The following SPATS2L variants were observed in gnomAD, a reference collection of about 807,000 sequenced individuals.
SPATS2L encodes the protein SPATS2-like protein.
Under a neutral mutation model 59.6 loss-of-function variants are expected in SPATS2L, and 30 were observed. The ratio of observed to expected loss-of-function variants is 0.50; its 90% CI spans 0.38 to 0.68. The LOEUF (loss-of-function observed/expected upper bound fraction) is 0.68. Among genes scored for constraint, SPATS2L ranks in the 30% least tolerant of loss-of-function variants. SPATS2L has a pLI of 0.00. For missense variants in SPATS2L, 615 were observed against 700.0 expected (o/e 0.88, Z 1.37); for synonymous variants, 252 against 263.5 (o/e 0.96, Z 0.42).
At chr2:200,430,504 A>T (rs1391950510) in intron 6 of SPATS2L, among the ~76,000 whole-genome samples, 2 of 151,744 alleles carry the variant, frequency 1.3e-5, no homozygotes, top group Admixed American at 6.6e-5. Flanking sequence ...CAGAATTTTT[A>T]AAATGCACAG....
Position 200,478,131 on chromosome 2 carries a change from C to A in SPATS2L, c.*100C>A. ...AGAGTGTCAATCAGAATATACAAATCCCGTATGGTTGTGTCATCCTCTCTT... is the reference window on the plus strand; with the variant it reads ...AGAGTGTCAATCAGAATATACAAATACCGTATGGTTGTGTCATCCTCTCTT... On this transcript the variant is annotated 3_prime_UTR_variant, in exon 13 of 13. Coordinates refer to ENST00000409140, the MANE Select transcript of SPATS2L (RefSeq NM_001100423.2). 8.8e-7 allele frequency: 1 copy of A among 1,131,284 alleles called. No individual in the cohort carries two copies. The highest frequency in any genetic ancestry group is 1.2e-6 in the Non-Finnish European group (1 of 819,476). 70.1% of individuals were successfully genotyped at this position (1,131,284 alleles called of 1,614,324 possible).
rs1383133153 is a variant in SPATS2L at position 200,480,180 on chromosome 2, T to G, written c.*2149T>G. On this transcript the variant is annotated 3_prime_UTR_variant, in exon 13 of 13. Coordinates refer to ENST00000409140, the MANE Select transcript of SPATS2L (RefSeq NM_001100423.2). The stretch of plus-strand genomic sequence containing the variant: ...AGGAGTTCACCTGCCTTTGTCAGAG[T>G]TGAACCCAACCACTCTTGACCTCGA... 1 of 154,808 alleles carries G rather than the reference T, an allele frequency of 6.5e-6. No homozygotes were observed. Among genetic ancestry groups the G allele is most frequent in the Non-Finnish European group, 1.4e-5 (1 of 69,938 alleles). 9.6% of individuals were successfully genotyped at this position (154,808 alleles called of 1,614,324 possible).
chr2:200,361,550 C>CGT (rs548300155), intron 2 of SPATS2L, among the ~76,000 whole-genome samples: 650 of 152,324 alleles, frequency 4.3e-3, no homozygotes, highest in Middle Eastern at 0.01. Flanking sequence ...TTCTCCAAAT[C>CGT]GTTAAGGCTT....
At chr2:200,342,757 A>G (rs1225949156) in intron 2 of SPATS2L, among the ~76,000 whole-genome samples, 3 of 152,208 alleles carry the variant, frequency 2.0e-5, no homozygotes, top group Admixed American at 6.5e-5. Flanking sequence ...AATGAGTTAT[A>G]TTTTTCCTCT....
At chr2:200,437,134 T>C (rs1479517917) in intron 6 of SPATS2L, among the ~76,000 whole-genome samples, 2 of 152,156 alleles carry the variant, frequency 1.3e-5, no homozygotes, top group Non-Finnish European at 2.9e-5. Flanking sequence ...TACAGAACCA[T>C]GAACCAAATA....
intron 2 of SPATS2L, among the ~76,000 whole-genome samples, chr2:200,386,718 T>G (rs1210389389): frequency 6.6e-6 from 1 of 152,238 alleles, no homozygotes; most frequent in Non-Finnish European, 1.5e-5. Context: ...TCAGCTGATC[T>G]GGTCTAATGA....
intron 3 of SPATS2L, chr2:200,393,005 A>C (rs1295573604): frequency 1.8e-5 from 6 of 335,908 alleles, no homozygotes; most frequent in South Asian, 1.4e-4. Flanking sequence ...TTGAGTAAAA[A>C]ATAGCAGCAA....
chr2:200,360,621 C>T (rs1299746058), intron 2 of SPATS2L, among the ~76,000 whole-genome samples: 10 of 152,188 alleles, frequency 6.6e-5, no homozygotes, highest in Admixed American at 3.3e-4. Context: ...AGATAAGCCG[C>T]TCCTCCTTGG....
At chr2:200,432,615 C>T (rs1284165563) in intron 6 of SPATS2L, among the ~76,000 whole-genome samples, 1 of 152,048 alleles carries the variant, frequency 6.6e-6, no homozygotes, top group African/African-American at 2.4e-5. Context: ...AATTACTAGA[C>T]ATGGGAAGGA....
At chr2:200,306,523 T>G (rs1220221097), upstream of SPATS2L, 1 of 1,001,872 alleles carries the variant, frequency 1.0e-6, no homozygotes, top group Admixed American at 6.2e-5. Flanking sequence ...TGTGAGCGGA[T>G]ACAAAACCCG....
chr2:200,343,215 A>G (rs1270811138), intron 2 of SPATS2L, among the ~76,000 whole-genome samples: 4 of 152,252 alleles, frequency 2.6e-5, no homozygotes, highest in Non-Finnish European at 4.4e-5. Context: ...AATGTTGGTA[A>G]GTGTATAAGA....
Position 200,467,235 on chromosome 2 carries a change from T to C in SPATS2L, c.848-55T>C. 2.5e-6 allele frequency: 3 copies of C among 1,178,636 alleles called. No individual in the cohort carries two copies. In the South Asian group the frequency reaches 3.8e-5, roughly 15 times the overall value. 73.0% of individuals were successfully genotyped at this position (1,178,636 alleles called of 1,614,324 possible). ...GAGAACTGATTCCAAGAAATTAGGT[T>C]ATTTAATATGTTTCAATCTCTGGCC... On this transcript the variant is annotated intron_variant, in intron 9 of 12. Transcript: ENST00000409140.
At chr2:200,354,414 A>G (rs2080844319) in intron 2 of SPATS2L, among the ~76,000 whole-genome samples, 3 of 152,082 alleles carry the variant, frequency 2.0e-5, no homozygotes, top group Admixed American at 6.6e-5. Context: ...TTTGAGACCA[A>G]TCTGGTAACA....
rs182862739 is a variant in SPATS2L, at chr2:200,477,069, G to A, written c.1282-567G>A. On this transcript the variant is annotated intron_variant, in intron 12 of 12. Transcript: ENST00000409140. ...TCCTCTTCTCTGCTCTGTGCCAGTGGAGCCTGGGATTTTTATGGGTACAGG... is the reference window on the plus strand; with the variant it reads ...TCCTCTTCTCTGCTCTGTGCCAGTGAAGCCTGGGATTTTTATGGGTACAGG... 3.7e-3 allele frequency among the ~76,000 whole-genome samples: 560 copies of A among 152,306 alleles called. 1 individual carries two copies. Among genetic ancestry groups the A allele is most frequent in the Middle Eastern group, 0.027 (8 of 294 alleles).
chr2:200,455,244 A>G (rs2085753219), intron 8 of SPATS2L, among the ~76,000 whole-genome samples: 1 of 152,234 alleles, frequency 6.6e-6, no homozygotes, highest in Non-Finnish European at 1.5e-5. Flanking sequence ...TAATAAGTCT[A>G]AGATCATGAA....
chr2:200,388,803 G>A (rs1057049023), intron 2 of SPATS2L, among the ~76,000 whole-genome samples: 1 of 152,022 alleles, frequency 6.6e-6, no homozygotes, highest in Non-Finnish European at 1.5e-5. Context: ...GTACATATAG[G>A]AGAGATATAT....
intron 11 of SPATS2L, among the ~76,000 whole-genome samples, chr2:200,470,664 T>G (rs551058025): frequency 6.6e-6 from 1 of 152,322 alleles, no homozygotes; most frequent in East Asian, 1.9e-4. Context: ...AGGAAAGGAC[T>G]AGTCAATGAC....
At chr2:200,376,869 G>A (rs973625343) in intron 2 of SPATS2L, among the ~76,000 whole-genome samples, 2 of 152,278 alleles carry the variant, frequency 1.3e-5, no homozygotes, top group South Asian at 2.1e-4. Context: ...CCCATCAGGT[G>A]ACAGTATGAG....
chr2:200,383,840 A>G (rs1323209109), intron 2 of SPATS2L: 1 of 982,914 alleles, frequency 1.0e-6, no homozygotes, highest in Non-Finnish European at 1.2e-6. Flanking sequence ...GTTTTCTTAT[A>G]TATTTCCTAT....
Sources: gnomAD v4.1 joint callset for allele counts (sites outside exome capture counted in the v4.1 genomes callset) on GRCh38, gnomAD v4.1.1 for gene constraint, MANE v1.5 for transcripts, NCBI Gene and HGNC (gene_info 2026-07-23, HGNC 2026-07-21) for gene names.